The following FXYD6 variants were observed in gnomAD, a reference collection of about 807,000 sequenced individuals.
FXYD6 encodes the protein FXYD domain containing ion transport regulator 6.
A neutral mutation model predicts 16.7 loss-of-function variants in FXYD6; 7 were observed. That is an observed-to-expected ratio of 0.42 (90% CI 0.24 to 0.79). The LOEUF (loss-of-function observed/expected upper bound fraction) is 0.79. Ranked by LOEUF, FXYD6 falls within the 30% of genes least tolerant of loss-of-function variation. The probability of loss-of-function intolerance (pLI) is 0.28; values close to 1 mark genes in which losing one functional copy is unlikely to be tolerated. For synonymous variants in FXYD6, 49 were observed against 43.0 expected (o/e 1.14, Z -0.54); for missense variants, 111 against 116.2 (o/e 0.95, Z 0.21).
intron 1 of FXYD6, 95 bp from the exon 2 acceptor site, chr11:117,842,876 C>T (rs1456443725): frequency 7.5e-7 from 1 of 1,332,618 alleles, no homozygotes; most frequent in African/African-American, 1.5e-5. Context: ...AGCCAAATCC[C>T]CAGCTTTGCT....
At chr11:117,855,789 C>A (rs752287949) in intron 1 of FXYD6, among the ~76,000 whole-genome samples, 37 of 152,180 alleles carry the variant, frequency 2.4e-4, no homozygotes, top group Admixed American at 5.9e-4. Context: ...TGCCTGGGGG[C>A]CTGAGGACCT....
chr11:117,857,159 C>T (rs769438873), intron 1 of FXYD6, among the ~76,000 whole-genome samples: 1 of 152,088 alleles, frequency 6.6e-6, no homozygotes, highest in Non-Finnish European at 1.5e-5. Context: ...GTGCTGGCTT[C>T]AGGGAAGGTG....
At chr11:117,860,925 C>T (rs1054551350) in intron 1 of FXYD6, among the ~76,000 whole-genome samples, 5 of 152,214 alleles carry the variant, frequency 3.3e-5, no homozygotes, top group Non-Finnish European at 5.9e-5. Flanking sequence ...AAGTAAGCTG[C>T]CCCAAATTCC....
At chr11:117,851,267 C>T (rs1357791215) in intron 1 of FXYD6, among the ~76,000 whole-genome samples, 1 of 148,016 alleles carries the variant, frequency 6.8e-6, no homozygotes, top group Non-Finnish European at 1.5e-5. Context: ...TAAAAAGCAA[C>T]ACAGCCTCTT....
At chr11:117,847,439 G>A (rs1378190251) in intron 1 of FXYD6, among the ~76,000 whole-genome samples, 1 of 151,700 alleles carries the variant, frequency 6.6e-6, no homozygotes, top group Non-Finnish European at 1.5e-5. Flanking sequence ...ATGTATACAT[G>A]TGCCATGTTG....
intron 1 of FXYD6, among the ~76,000 whole-genome samples, chr11:117,852,752 A>C (rs530808754): frequency 6.6e-6 from 1 of 152,334 alleles, no homozygotes; most frequent in South Asian, 2.1e-4. Context: ...TGAGACTGTG[A>C]CTAGAAGCAG....
chr11:117,841,117 C>T (rs754374230), intron 5 of FXYD6, 31 bp downstream of exon 5: 14 of 1,613,688 alleles, frequency 8.7e-6, no homozygotes, highest in South Asian at 5.5e-5. Flanking sequence ...CTAGTATCAC[C>T]CCCCCAAGGC....
chr11:117,855,303 C>T (rs1948808078), intron 1 of FXYD6, among the ~76,000 whole-genome samples: 1 of 152,158 alleles, frequency 6.6e-6, no homozygotes, highest in Admixed American at 6.5e-5. Context: ...GCCTGGGCTA[C>T]ATCAACCACA....
rs1010655061 is a variant in FXYD6 at position 117,872,239 on chromosome 11, C to T, written c.-6+4353G>A. Among the ~76,000 whole-genome samples the T allele has an allele frequency of 3.3e-5, 5 of 152,158 alleles. No individual in the cohort carries two copies. The highest frequency in any genetic ancestry group is 1.9e-4 in the East Asian group (1 of 5,182). The stretch of plus-strand genomic sequence containing the variant: ...AATGTGTGAGCCACTGCCTCCCTGT[C>T]GGGTGTGGGAGATTATATATGTGTG... On this transcript the variant is annotated intron_variant, in intron 1 of 7. Transcript: ENST00000526014. This position sits in a 1 kb window ranked among gnomAD's most constrained non-coding sequence, Gnocchi z 4.9.
At chr11:117,851,890 T>G (rs559613461) in intron 1 of FXYD6, among the ~76,000 whole-genome samples, 3 of 152,220 alleles carry the variant, frequency 2.0e-5, no homozygotes, top group African/African-American at 7.2e-5. Context: ...ACCAACAGAA[T>G]GTGGCAAAAG....
chr11:117,852,761 A>G (rs2056638679), intron 1 of FXYD6, among the ~76,000 whole-genome samples: 1 of 152,222 alleles, frequency 6.6e-6, no homozygotes, highest in South Asian at 2.1e-4. Context: ...GACTAGAAGC[A>G]GGTTAGACAT....
At chr11:117,844,570 CT>C (rs1318061127) in intron 1 of FXYD6, among the ~76,000 whole-genome samples, 2 of 152,170 alleles carry the variant, frequency 1.3e-5, no homozygotes, top group Non-Finnish European at 2.9e-5. Context: ...TCTCGGCTCA[CT>C]GCAACTTCCA....
intron 2 of FXYD6, among the ~76,000 whole-genome samples, chr11:117,842,468 C>G (rs1317561753): frequency 6.6e-6 from 1 of 152,210 alleles, no homozygotes; most frequent in Non-Finnish European, 1.5e-5. Flanking sequence ...GCGCAGTGAG[C>G]TTGCGGGGCT....
intron 4 of FXYD6, chr11:117,841,527 C>T (rs2056343525): frequency 1.7e-6 from 1 of 591,324 alleles, no homozygotes; most frequent in Admixed American, 3.0e-5. Flanking sequence ...CCCATTCATG[C>T]CCTATAGACA....
intron 1 of FXYD6, among the ~76,000 whole-genome samples, chr11:117,845,726 G>C (rs372549016): frequency 7.2e-5 from 11 of 152,220 alleles, no homozygotes; most frequent in African/African-American, 2.6e-4. Context: ...GAATTTTGAG[G>C]AAACAGTTTT....
At position 117,841,062 on chromosome 11, in the gene FXYD6, A is replaced by ATGCC. The variant is rs2056328459; in HGVS notation, c.209+82_209+85dup. 3 of 1,547,216 alleles carry ATGCC rather than the reference A, an allele frequency of 1.9e-6. No individual in the cohort carries two copies. The Admixed American group carries it at 5.4e-5, about 28-fold the overall frequency. Reference sequence around the variant, plus strand: ...GCCTCCGAGACAAGAATCCAAGAGAATGCCCATTTGGGGGTCACACACCAG... The same window carrying ATGCC: ...GCCTCCGAGACAAGAATCCAAGAGAATGCCTGCCCATTTGGGGGTCACACACCAG... On this transcript the variant is annotated intron_variant, in intron 5 of 7. Transcript: ENST00000526014.
In FXYD6 at chr11:117,840,508, G is replaced by A. The variant is rs182729694; in HGVS notation, c.210-140C>T. The A allele has an allele frequency of 5.5e-4, 611 of 1,114,946 alleles. 4 individuals are homozygous for A. In the African/African-American group the frequency reaches 8.2e-3, roughly 15 times the overall value. 69.1% of individuals were successfully genotyped at this position (1,114,946 alleles called of 1,614,324 possible). ...CTGAGGGGCTGGAGCTCACTCTGCT[G>A]TGGGATGCATGGGACAGAGGGAAAG... On this transcript the variant is annotated intron_variant, in intron 5 of 7. Transcript: ENST00000526014.
At chr11:117,841,596 C>A (rs1398180518) in intron 4 of FXYD6, 195 bp downstream of exon 4, 6 of 634,504 alleles carry the variant, frequency 9.5e-6, no homozygotes, top group South Asian at 7.5e-5. Flanking sequence ...ATGACATTTT[C>A]TTTGTTCCCG....
At chr11:117,853,597 T>A (rs2056655710) in intron 1 of FXYD6, among the ~76,000 whole-genome samples, 1 of 152,170 alleles carries the variant, frequency 6.6e-6, no homozygotes. Context: ...TCCTGAGTGA[T>A]CCTCCTGCCT....
Sources: allele counts gnomAD v4.1 joint callset (sites outside exome capture counted in the v4.1 genomes callset), GRCh38; gene constraint gnomAD v4.1.1; non-coding constraint Gnocchi (gnomAD v3.1); transcripts MANE v1.5; gene names NCBI Gene and HGNC (gene_info 2026-07-23, HGNC 2026-07-21).